Variants in LCOR observed in about 807,000 individuals in gnomAD.
LCOR encodes ligand dependent nuclear receptor corepressor, also known as ligand-dependent corepressor.
A neutral mutation model predicts 64.4 loss-of-function variants in LCOR; 14 were observed. The ratio of observed to expected loss-of-function variants is 0.22; its 90% CI spans 0.14 to 0.34. The LOEUF is 0.34. LCOR is among the 10% of genes least tolerant of loss of function. LCOR has a pLI of 1.00. For synonymous variants in LCOR, 643 were observed against 642.5 expected (o/e 1.00, Z -0.01); for missense variants, 1,686 against 1,765.3 (o/e 0.96, Z 0.80).
intron 7 of LCOR, among the ~76,000 whole-genome samples, chr10:96,964,745 A>C (rs540311993): frequency 6.6e-6 from 1 of 152,248 alleles, no homozygotes; most frequent in South Asian, 2.1e-4. Context: ...GCTAAACAAG[A>C]TACAGTAATG....
rs187364891 is a variant in LCOR, at chr10:96,916,470, C to T, written c.-184+8723C>T. On this transcript the variant is annotated intron_variant, in intron 4 of 7. Coordinates refer to ENST00000421806, the MANE Select transcript of LCOR (RefSeq NM_001346516.2). The stretch of plus-strand genomic sequence containing the variant: ...ATGTGACTTGCCTGTCATCTTACAC[C>T]AGAATACTACAAATCAATAAGTATT... Among the ~76,000 whole-genome samples the T allele has an allele frequency of 3.3e-3, 495 of 151,636 alleles. 3 individuals carry two copies. The highest frequency in any genetic ancestry group is 0.012 in the African/African-American group (476 of 41,286).
chr10:96,880,664 T>C (rs564308117), intron 2 of LCOR, among the ~76,000 whole-genome samples: 21 of 152,308 alleles, frequency 1.4e-4, no homozygotes, highest in Non-Finnish European at 2.8e-4. Context: ...TCCCAAATTG[T>C]TGACATTACA....
chr10:96,950,265 G>T (rs1415958890), intron 6 of LCOR, among the ~76,000 whole-genome samples: 1 of 152,068 alleles, frequency 6.6e-6, no homozygotes, highest in Non-Finnish European at 1.5e-5. Context: ...ACTTTCTTTT[G>T]AGTAGTTTTC....
Position 96,986,720 on chromosome 10 carries a change from G to C in LCOR, c.*1586G>C, listed in dbSNP as rs953096632. The C allele has an allele frequency of 1.2e-4, 19 of 152,224 alleles. No homozygotes were observed. The highest frequency in any genetic ancestry group is 1.1e-3 in the Admixed American group (17 of 15,280). The allele number at this position is 152,224 out of a possible 1,614,324, so 9.4% of individuals were successfully genotyped here. ...TGGGCCGCTCTACAAAAAAAGGCTT[G>C]GTTGTTGAAGCCTCAGTCAGCTTCC... On this transcript the variant is annotated 3_prime_UTR_variant, in exon 8 of 8. Coordinates refer to ENST00000421806, the MANE Select transcript of LCOR (RefSeq NM_001346516.2).
chr10:96,941,165 C>T (rs1388750097), intron 4 of LCOR, among the ~76,000 whole-genome samples: 5 of 134,774 alleles, frequency 3.7e-5, no homozygotes, highest in Non-Finnish European at 4.9e-5. Flanking sequence ...ACCTCCCGGA[C>T]AGGGCGGCTG....
intron 7 of LCOR, chr10:96,958,539 A>C: frequency 1.4e-6 from 1 of 707,950 alleles, no homozygotes; most frequent in Non-Finnish European, 2.5e-6. Flanking sequence ...GAGTACTTCT[A>C]TTATTTGTTT....
intron 2 of LCOR, among the ~76,000 whole-genome samples, chr10:96,869,967 C>A (rs554924947): frequency 2.6e-5 from 4 of 152,266 alleles, no homozygotes; most frequent in Non-Finnish European, 5.9e-5. Flanking sequence ...TATCATTAAG[C>A]CTAAGCTAGT....
chr10:96,858,685 A>G (rs532317244), intron 2 of LCOR, among the ~76,000 whole-genome samples: 1 of 152,226 alleles, frequency 6.6e-6, no homozygotes, highest in African/African-American at 2.4e-5. Flanking sequence ...TAGGGAGGGG[A>G]AAACTTTATG....
Position 96,983,928 on chromosome 10 carries a change from G to T in LCOR, c.3468G>T (p.Arg1156=), listed in dbSNP as rs772995743. The change falls in exon 8 of 8, where the codon CGG becomes CGT. Residue 1156 remains arginine (R), a synonymous_variant. Coordinates refer to ENST00000421806, the MANE Select transcript of LCOR (RefSeq NM_001346516.2). The surrounding 1 kb of genome is among the most constrained non-coding windows in gnomAD (Gnocchi z 4.5). Reference sequence around the variant, plus strand: ...TTTGGAAAAGCAAGAAAAGGTCACGGAAATGTAGGAGTTCATTGGAGAGTC... The same window carrying T: ...TTTGGAAAAGCAAGAAAAGGTCACGTAAATGTAGGAGTTCATTGGAGAGTC... ...KEIWKSKKRS[R]KCRSSLESQK... is the part of the protein sequence containing the mutation. 5.0e-6 allele frequency: 8 copies of T among 1,614,216 alleles called. No individual in the cohort carries two copies. Among genetic ancestry groups the T allele is most frequent in the Non-Finnish European group, 5.9e-6 (7 of 1,180,042 alleles).
At chr10:96,950,311 A>G (rs1847655454) in intron 6 of LCOR, among the ~76,000 whole-genome samples, 1 of 152,196 alleles carries the variant, frequency 6.6e-6, no homozygotes, top group Admixed American at 6.5e-5. Context: ...GGTGAACAGC[A>G]AACAAAACAT....
chr10:96,878,345 G>C (rs1846205337), intron 2 of LCOR, among the ~76,000 whole-genome samples: 1 of 152,232 alleles, frequency 6.6e-6, no homozygotes, highest in Admixed American at 6.5e-5. Context: ...ATCCAGGTGA[G>C]AGATGAAGGT....
chr10:96,934,993 A>G (rs1847323390), intron 4 of LCOR, among the ~76,000 whole-genome samples: 1 of 152,194 alleles, frequency 6.6e-6, no homozygotes, highest in South Asian at 2.1e-4. Context: ...TAATAAATGC[A>G]AAGAAAATGG....
chr10:96,920,790 ACGCG>A (rs367624526), intron 4 of LCOR, among the ~76,000 whole-genome samples: 4,261 of 85,246 alleles, frequency 0.05, 285 homozygotes, highest in African/African-American at 0.21. Flanking sequence ...ACACACACAC[ACGCG>A]CGGTGGGGGG....
In LCOR at chr10:96,844,609, T is replaced by C. The variant is rs1845596315; in HGVS notation, c.-330+11130T>C. 2.0e-5 allele frequency among the ~76,000 whole-genome samples: 3 copies of C among 152,202 alleles called. No individual in the cohort carries two copies. The South Asian group carries it at 6.2e-4, about 32-fold the overall frequency. ...GTCCTATTTGTGTTTCCTTTTTTCTTTTTGATTTTTTAGTTTTGTTAGCTA... is the reference window on the plus strand; with the variant it reads ...GTCCTATTTGTGTTTCCTTTTTTCTCTTTGATTTTTTAGTTTTGTTAGCTA... On this transcript the variant is annotated intron_variant, in intron 2 of 7. Coordinates refer to ENST00000421806, the MANE Select transcript of LCOR (RefSeq NM_001346516.2).
chr10:96,950,960 G>A (rs1384624504), intron 6 of LCOR, among the ~76,000 whole-genome samples: 4 of 152,062 alleles, frequency 2.6e-5, no homozygotes, highest in Non-Finnish European at 5.9e-5. Context: ...ACTAGTGACT[G>A]TAAAGGACAA....
chr10:96,954,220 C>T (rs960045995), intron 7 of LCOR, among the ~76,000 whole-genome samples: 3 of 152,076 alleles, frequency 2.0e-5, no homozygotes, highest in South Asian at 2.1e-4. Context: ...TCATGATACT[C>T]ATGTATCTGC....
Position 96,990,506 on chromosome 10 carries a change from C to T in LCOR, c.*5372C>T, listed in dbSNP as rs183606422. 31 of 152,208 alleles carry T rather than the reference C, an allele frequency of 2.0e-4. No homozygotes were observed. The highest frequency in any genetic ancestry group is 7.5e-4 in the African/African-American group (31 of 41,506). The allele number at this position is 152,208 out of a possible 1,614,324, so 9.4% of individuals were successfully genotyped here. A position where few individuals can be genotyped will look rare whatever the true frequency, so the allele number is the denominator to read the frequency against. On this transcript the variant is annotated 3_prime_UTR_variant, in exon 8 of 8. Coordinates refer to ENST00000421806, the MANE Select transcript of LCOR (RefSeq NM_001346516.2). Reference sequence around the variant, plus strand: ...ATCCTTTGAAACATCAGAACAGAGTCCTGTATTCTACAATGGATGGATTGG... The same window carrying T: ...ATCCTTTGAAACATCAGAACAGAGTTCTGTATTCTACAATGGATGGATTGG...
At chr10:96,862,012 C>T (rs1845895524) in intron 2 of LCOR, among the ~76,000 whole-genome samples, 1 of 152,188 alleles carries the variant, frequency 6.6e-6, no homozygotes, top group South Asian at 2.1e-4. Flanking sequence ...TCCCTCTTTG[C>T]ATTTGATTAC....
At position 96,984,487 on chromosome 10, in the gene LCOR, A is replaced by G; in HGVS notation, c.4027A>G (p.Lys1343Glu). ...ECPDALAVES[K>E]PSRKSVCINP... ...CCCAGATGCTCTGGCTGTGGAAAGT[A>G]AGCCAAGTCGTAAGAGCGTATGCAT... The change falls in exon 8 of 8, where the codon AAG (lysine) becomes GAG (glutamate). Residue 1343 changes from lysine (K) to glutamate (E), a missense_variant. Around this residue, in one of 3 missense-constraint regions of LCOR, gnomAD observed 1,293 missense variants for 1,410.4 expected, o/e 0.92. Coordinates refer to ENST00000421806, the MANE Select transcript of LCOR (RefSeq NM_001346516.2). 1.2e-6 allele frequency: 2 copies of G among 1,614,246 alleles called. No homozygotes were observed. Among genetic ancestry groups the G allele is most frequent in the Non-Finnish European group, 1.7e-6 (2 of 1,180,046 alleles).
Sources: gnomAD v4.1 joint callset for allele counts (sites outside exome capture counted in the v4.1 genomes callset) on GRCh38, gnomAD v4.1.1 for gene constraint, gnomAD v4.1.1 regional missense constraint, Gnocchi (gnomAD v3.1) non-coding constraint, MANE v1.5 for transcripts, NCBI Gene and HGNC (gene_info 2026-07-23, HGNC 2026-07-21) for gene names.